Variants in CHPT1 observed in about 807,000 individuals in gnomAD.
The protein encoded by CHPT1 is choline phosphotransferase 1, also known as cholinephosphotransferase 1.
Under a neutral mutation model 47.6 loss-of-function variants are expected in CHPT1, and 36 were observed. The ratio of observed to expected loss-of-function variants is 0.76; its 90% CI spans 0.58 to 1.00. CHPT1 has a LOEUF of 1.00. CHPT1 is among the 50% of genes least tolerant of loss of function. The probability of loss-of-function intolerance (pLI) is 0.00; values close to 1 mark genes in which losing one functional copy is unlikely to be tolerated. For synonymous variants in CHPT1, 194 were observed against 186.3 expected, an observed-to-expected ratio of 1.04 and a Z score of -0.33; for missense variants, 458 against 498.1, an observed-to-expected ratio of 0.92 and a Z score of 0.77.
chr12:101,703,300 G>C (rs10860776), intron 1 of CHPT1, among the ~76,000 whole-genome samples: 47,067 of 151,902 alleles, frequency 0.31, 7,663 homozygotes, highest in East Asian at 0.65. Context: ...GTGACAGGCT[G>C]GCATTTTCAA....
intron 2 of CHPT1, 35 bp from the exon 3 acceptor site, chr12:101,714,469 A>G (rs1951735969): frequency 1.3e-6 from 2 of 1,545,010 alleles, no homozygotes; most frequent in Non-Finnish European, 1.7e-6. Flanking sequence ...AATTATTTTT[A>G]ATTCTTAATG....
chr12:101,713,997 CG>C, intron 1 of CHPT1, 92 bp from the exon 2 acceptor site: 1 of 708,932 alleles, frequency 1.4e-6, no homozygotes, highest in Non-Finnish European at 2.3e-6. Context: ...TTATAACACA[CG>C]GGGTGCTACA....
chr12:101,711,400 A>G (rs1305608695), intron 1 of CHPT1, among the ~76,000 whole-genome samples: 1 of 148,546 alleles, frequency 6.7e-6, no homozygotes, highest in East Asian at 2.0e-4. Context: ...CCTGGGAGAC[A>G]TTATGCTAAG....
chr12:101,697,867 G>T lies in CHPT1; in HGVS notation c.6G>T (p.Ala2=), dbSNP rs1214905672. 1.7e-6 allele frequency: 2 copies of T among 1,179,180 alleles called. No homozygotes were observed. The highest frequency in any genetic ancestry group is 4.2e-5 in the South Asian group (1 of 23,940). The allele number at this position is 1,179,180 out of a possible 1,614,324, so 73.0% of individuals were successfully genotyped here. M[A]AGAGAGSAPR... is the part of the protein sequence containing the mutation. Reference sequence around the variant, plus strand: ...GGCGGGGCCCTCAGGCGGCCATGGCGGCAGGCGCCGGGGCCGGGTCCGCGC... The same window carrying T: ...GGCGGGGCCCTCAGGCGGCCATGGCTGCAGGCGCCGGGGCCGGGTCCGCGC... Residue 2 remains alanine, a synonymous_variant, in exon 1 of 9, where the codon GCG becomes GCT. Coordinates refer to ENST00000229266, the MANE Select transcript of CHPT1 (RefSeq NM_020244.3).
chr12:101,728,931 A>C lies in CHPT1; in HGVS notation c.1207A>C (p.Asn403His). 6.2e-7 allele frequency: 1 copy of C among 1,613,566 alleles called. No individual in the cohort carries two copies. Among genetic ancestry groups the C allele is most frequent in the Non-Finnish European group, 8.5e-7 (1 of 1,179,698 alleles). The change falls in exon 9 of 9, where the codon AAT becomes CAT. Residue 403 changes from asparagine (N) to histidine (H), a missense_variant. Coordinates refer to ENST00000229266, the MANE Select transcript of CHPT1 (RefSeq NM_020244.3). ...VQVLSSKSHQ[N>H]NMD Reference sequence around the variant, plus strand: ...AGTTCTTTCTTCAAAGAGTCATCAGAATAACATGGATTGAAGAGACTTCCG... The same window carrying C: ...AGTTCTTTCTTCAAAGAGTCATCAGCATAACATGGATTGAAGAGACTTCCG...
chr12:101,717,583 T>G (rs1197498868), intron 4 of CHPT1, among the ~76,000 whole-genome samples: 1 of 152,238 alleles, frequency 6.6e-6, no homozygotes, highest in Non-Finnish European at 1.5e-5. Flanking sequence ...ATTAGTATTA[T>G]GCTTTATAAA....
chr12:101,724,870 A>T (rs1951915991), intron 7 of CHPT1, among the ~76,000 whole-genome samples: 1 of 152,202 alleles, frequency 6.6e-6, no homozygotes, highest in African/African-American at 2.4e-5. Context: ...AAGTTGGATA[A>T]ATGGAGCATT....
intron 2 of CHPT1, 100 bp from the exon 3 acceptor site, chr12:101,714,404 T>C: frequency 1.7e-6 from 2 of 1,199,878 alleles, no homozygotes; most frequent in African/African-American, 1.5e-5. Flanking sequence ...TTTAATGCCA[T>C]GATTATTTCC....
At chr12:101,720,053 T>C (rs563217696) in intron 4 of CHPT1, 70 bp from the exon 5 acceptor site, 4 of 1,048,206 alleles carry the variant, frequency 3.8e-6, no homozygotes, top group East Asian at 5.0e-5. Context: ...CTTATCATTA[T>C]GTTTCTTTAT....
intron 4 of CHPT1, among the ~76,000 whole-genome samples, chr12:101,718,060 A>C (rs566928626): frequency 6.6e-6 from 1 of 152,220 alleles, no homozygotes; most frequent in African/African-American, 2.4e-5. Context: ...ACTATATGAC[A>C]TTCTTTAAAA....
chr12:101,714,148 A>T lies in CHPT1; in HGVS notation c.332A>T (p.Asp111Val), dbSNP rs746437905. The T allele has an allele frequency of 6.2e-7, 1 of 1,611,446 alleles. No individual in the cohort carries two copies. Among genetic ancestry groups the T allele is most frequent in the Non-Finnish European group, 8.5e-7 (1 of 1,177,798 alleles). ...ALGLFIYQSL[D>V]AIDGKQARRT... ...GGACTTTTTATTTACCAGTCACTGG[A>T]TGCTATTGATGGGAAACAAGCCAGA... is the stretch of plus-strand genomic sequence containing the variant. Residue 111 changes from aspartate to valine, a missense_variant, in exon 2 of 9, where the codon GAT (aspartate) becomes GTT (valine). Coordinates refer to ENST00000229266, the MANE Select transcript of CHPT1 (RefSeq NM_020244.3).
At chr12:101,720,790 T>G (rs1329334223) in intron 5 of CHPT1, among the ~76,000 whole-genome samples, 1 of 152,242 alleles carries the variant, frequency 6.6e-6, no homozygotes, top group East Asian at 1.9e-4. Context: ...TTAAATATAA[T>G]GCTTTTGTAT....
intron 8 of CHPT1, chr12:101,726,767 G>C (rs1009787200): frequency 7.2e-6 from 2 of 277,894 alleles, no homozygotes; most frequent in African/African-American, 4.4e-5. Context: ...TAAATATTCA[G>C]AACATAAAGG....
At position 101,714,150 on chromosome 12, in the gene CHPT1, G is replaced by A; in HGVS notation, c.334G>A (p.Ala112Thr). 4 of 1,611,780 alleles carry A rather than the reference G, an allele frequency of 2.5e-6. No individual in the cohort carries two copies. Among genetic ancestry groups the A allele is most frequent in the Non-Finnish European group, 3.4e-6 (4 of 1,177,940 alleles). The stretch of plus-strand genomic sequence containing the variant: ...ACTTTTTATTTACCAGTCACTGGAT[G>A]CTATTGATGGGAAACAAGCCAGAAG... ...LGLFIYQSLDAIDGKQARRTN... is the reference protein window; with the variant it reads ...LGLFIYQSLDTIDGKQARRTN... The change falls in exon 2 of 9, where the codon GCT (alanine) becomes ACT (threonine). Residue 112 changes from alanine to threonine, a missense_variant. Coordinates refer to ENST00000229266, the MANE Select transcript of CHPT1 (RefSeq NM_020244.3).
At chr12:101,717,242 G>A in intron 4 of CHPT1, 1 of 453,532 alleles carries the variant, frequency 2.2e-6, no homozygotes, top group South Asian at 1.6e-5. Flanking sequence ...TTGAGGTGAA[G>A]ATTCCCATAT....
At chr12:101,726,610 G>C (rs1476765953) in intron 8 of CHPT1, 9 of 637,956 alleles carry the variant, frequency 1.4e-5, no homozygotes. Flanking sequence ...TTTTATCACA[G>C]ATGTTCTCAG....
chr12:101,722,577 G>T (rs1350519984), intron 5 of CHPT1, among the ~76,000 whole-genome samples: 2 of 151,962 alleles, frequency 1.3e-5, no homozygotes, highest in Non-Finnish European at 2.9e-5. Flanking sequence ...GATAAGCTGG[G>T]TGTGGTGGCT....
At chr12:101,722,479 C>A (rs1951865290) in intron 5 of CHPT1, among the ~76,000 whole-genome samples, 1 of 151,786 alleles carries the variant, frequency 6.6e-6, no homozygotes, top group Non-Finnish European at 1.5e-5. Context: ...ATGTAATGGT[C>A]TGGATTTTAC....
Position 101,708,634 on chromosome 12 carries a change from G to T in CHPT1, c.274-5456G>T, listed in dbSNP as rs1465003054. On this transcript the variant is annotated intron_variant, in intron 1 of 8. Coordinates refer to ENST00000229266, the MANE Select transcript of CHPT1 (RefSeq NM_020244.3). ...ATTTATTTAATTATTTAGAGACAGG[G>T]TCTCACTCTGTTGCCCCAGCTGGAG... Among the ~76,000 whole-genome samples the T allele has an allele frequency of 1.5e-4, 19 of 123,672 alleles. 2 individuals are homozygous for T. Among genetic ancestry groups the T allele is most frequent in the Middle Eastern group, 5.1e-3 (1 of 196 alleles). The allele number at this position is 123,672 out of a possible 152,430, so 81.1% of individuals were successfully genotyped here.
Sources: gnomAD v4.1 joint callset for allele counts (sites outside exome capture counted in the v4.1 genomes callset) on GRCh38, gnomAD v4.1.1 for gene constraint, MANE v1.5 for transcripts, NCBI Gene and HGNC (gene_info 2026-07-23, HGNC 2026-07-21) for gene names.